Variants in VIT observed in about 807,000 individuals in gnomAD.
The protein encoded by VIT is vitrin.
A neutral mutation model predicts 78.0 loss-of-function variants in VIT; 99 were observed. That is an observed-to-expected ratio of 1.27 (90% CI 1.08 to 1.50). The LOEUF (loss-of-function observed/expected upper bound fraction) is 1.50. Ranked by LOEUF, VIT falls within the 40% of genes most tolerant of loss-of-function variation. The pLI, the probability that VIT is intolerant of heterozygous loss-of-function variation, is 0.00. For synonymous variants in VIT, 374 were observed against 334.3 expected (o/e 1.12, Z -1.29); for missense variants, 1,126 against 875.3 (o/e 1.29, Z -3.61).
Position 36,814,210 on chromosome 2 carries a change from C to G in VIT, c.1931C>G (p.Ala644Gly). 1 of 1,614,204 alleles carries G rather than the reference C, an allele frequency of 6.2e-7. No individual in the cohort carries two copies. ...GTGATCACCTATGCGATAGGCGTTG[C>G]CTGGGCTGCCCAAGAGGAGCTAGAA... ...KGVITYAIGV[A>G]WAAQEELEVI... Residue 644 changes from alanine to glycine, a missense_variant, in exon 16 of 16, where the codon GCC becomes GGC. Coordinates refer to ENST00000379242, the MANE Select transcript of VIT (RefSeq NM_053276.4).
At chr2:36,722,833 GCA>G (rs1400735710) in intron 2 of VIT, among the ~76,000 whole-genome samples, 1 of 152,088 alleles carries the variant, frequency 6.6e-6, no homozygotes, top group Non-Finnish European at 1.5e-5. Flanking sequence ...GAAAACATGA[GCA>G]CAGATTAATC....
At chr2:36,756,021 G>T (rs1172773378) in intron 5 of VIT, among the ~76,000 whole-genome samples, 2 of 132,170 alleles carry the variant, frequency 1.5e-5, no homozygotes, top group African/African-American at 5.6e-5. Context: ...GTAATGACAC[G>T]ATCTCGGCTC....
chr2:36,807,501 T>C (rs1422008173), intron 14 of VIT, among the ~76,000 whole-genome samples: 1 of 152,248 alleles, frequency 6.6e-6, no homozygotes, highest in East Asian at 1.9e-4. Flanking sequence ...CGGAAAGTTT[T>C]GTGAACTCCA....
At chr2:36,792,419 A>G (rs1180754648) in intron 12 of VIT, among the ~76,000 whole-genome samples, 1 of 152,050 alleles carries the variant, frequency 6.6e-6, no homozygotes, top group African/African-American at 2.4e-5. Context: ...TTATTTCCCT[A>G]TCATGCAGGG....
At chr2:36,812,917 G>A (rs1445450179) in intron 15 of VIT, among the ~76,000 whole-genome samples, 1 of 143,394 alleles carries the variant, frequency 7.0e-6, no homozygotes, top group Non-Finnish European at 1.5e-5. Flanking sequence ...CTGGAGTGCA[G>A]CGGTGCCATC....
At chr2:36,782,857 AG>A (rs1269995130) in intron 10 of VIT, among the ~76,000 whole-genome samples, 7 of 152,206 alleles carry the variant, frequency 4.6e-5, no homozygotes, top group Non-Finnish European at 1.0e-4. Flanking sequence ...GTCTTCCTCC[AG>A]TCCACATCCA....
intron 3 of VIT, among the ~76,000 whole-genome samples, chr2:36,736,620 G>T (rs978114370): frequency 2.6e-5 from 4 of 152,178 alleles, no homozygotes; most frequent in African/African-American, 9.7e-5. Context: ...CATGCAACGT[G>T]TTACTGGCTG....
chr2:36,773,320 CT>C (rs11464270), intron 7 of VIT, among the ~76,000 whole-genome samples: 6,696 of 145,678 alleles, frequency 0.046, 183 homozygotes, highest in Non-Finnish European at 0.063. Context: ...GTTAAATACT[CT>C]TTTTTTTTTT....
intron 6 of VIT, chr2:36,759,343 G>A: frequency 7.0e-7 from 1 of 1,423,258 alleles, no homozygotes; most frequent in East Asian, 2.6e-5. Context: ...TTTAGAAAAT[G>A]ACATGACATT....
At chr2:36,758,892 G>C in intron 5 of VIT, 77 bp from the exon 6 acceptor site, 2 of 1,253,242 alleles carry the variant, frequency 1.6e-6, no homozygotes, top group Non-Finnish European at 2.3e-6. Flanking sequence ...TGAAAGGACA[G>C]AATCAACTTA....
chr2:36,786,014 C>T (rs539804920), intron 11 of VIT, among the ~76,000 whole-genome samples: 1 of 152,310 alleles, frequency 6.6e-6, no homozygotes, highest in African/African-American at 2.4e-5. Flanking sequence ...AAGACTCCAG[C>T]TCTGTGGCAA....
At chr2:36,767,497 A>T (rs1323443849) in intron 7 of VIT, among the ~76,000 whole-genome samples, 1 of 152,226 alleles carries the variant, frequency 6.6e-6, no homozygotes, top group African/African-American at 2.4e-5. Context: ...TGAAGATAGA[A>T]TACTTTCCCA....
intron 8 of VIT, chr2:36,774,611 G>C (rs1669943464): frequency 1.0e-6 from 1 of 985,316 alleles, no homozygotes; most frequent in African/African-American, 1.7e-5. Flanking sequence ...CTACTGGATA[G>C]GAACAGGGGC....
At position 36,743,085 on chromosome 2, in the gene VIT, A is replaced by C. The variant is rs376722932; in HGVS notation, c.119-15A>C. ...TAGCACAAGGTGTAATTTTGACCTC[A>C]TTTTGTATTCCCAGCTGTGCCTCAG... On this transcript the variant is annotated splice_polypyrimidine_tract_variant and intron_variant, in intron 3 of 15. Coordinates refer to ENST00000379242, the MANE Select transcript of VIT (RefSeq NM_053276.4). 1.2e-6 allele frequency: 2 copies of C among 1,613,774 alleles called. No homozygotes were observed. Among genetic ancestry groups the C allele is most frequent in the South Asian group, 1.1e-5 (1 of 91,022 alleles).
chr2:36,763,385 C>G (rs1669235506), intron 6 of VIT, among the ~76,000 whole-genome samples: 1 of 152,028 alleles, frequency 6.6e-6, no homozygotes, highest in Non-Finnish European at 1.5e-5. Flanking sequence ...AATGCTTTCC[C>G]ATAAAAATCT....
At chr2:36,755,148 T>C in intron 5 of VIT, 94 bp downstream of exon 5, 1 of 1,340,102 alleles carries the variant, frequency 7.5e-7, no homozygotes, top group Non-Finnish European at 9.9e-7. Context: ...ATGGCCCACC[T>C]CATTTCATAA....
Position 36,743,136 on chromosome 2 carries a change from A to G in VIT, c.155A>G (p.Lys52Arg). Residue 52 changes from lysine to arginine, a missense_variant, in exon 4 of 16, where the codon AAG becomes AGG. Coordinates refer to ENST00000379242, the MANE Select transcript of VIT (RefSeq NM_053276.4). The stretch of plus-strand genomic sequence containing the variant: ...ATCAACTGCGATGTCAAAGCCGGAA[A>G]GATCATCGATCCTGAGTTCATTGTG... ...PQINCDVKAG[K>R]IIDPEFIVKC... is the part of the protein sequence containing the mutation. 1 of 1,614,108 alleles carries G rather than the reference A, an allele frequency of 6.2e-7. No individual in the cohort carries two copies. Among genetic ancestry groups the G allele is most frequent in the Non-Finnish European group, 8.5e-7 (1 of 1,179,960 alleles).
chr2:36,753,711 G>A (rs1668601416), intron 4 of VIT, among the ~76,000 whole-genome samples: 1 of 152,180 alleles, frequency 6.6e-6, no homozygotes, highest in African/African-American at 2.4e-5. Flanking sequence ...CAGAGCCATG[G>A]GAGTGGGAAT....
intron 7 of VIT, among the ~76,000 whole-genome samples, chr2:36,768,197 C>T (rs144964910): frequency 0.013 from 1,991 of 152,188 alleles, 25 homozygotes; most frequent in Middle Eastern, 0.034. Flanking sequence ...TTTGGGAGGC[C>T]GAGGCAAGCA....
Sources: gnomAD v4.1 joint callset for allele counts (sites outside exome capture counted in the v4.1 genomes callset) on GRCh38, gnomAD v4.1.1 for gene constraint, MANE v1.5 for transcripts, NCBI Gene and HGNC (gene_info 2026-07-23, HGNC 2026-07-21) for gene names.